FAT1: variants seen among roughly 807,000 people sequenced by gnomAD.
FAT1 encodes the protein protocadherin Fat 1.
Under a neutral mutation model 329.8 loss-of-function variants are expected in FAT1, and 171 were observed. That is an observed-to-expected ratio of 0.52 (90% CI 0.46 to 0.59). FAT1 has a LOEUF of 0.59. FAT1 is among the 20% of genes least tolerant of loss of function. The probability of loss-of-function intolerance (pLI) is 0.00; values close to 1 mark genes in which losing one functional copy is unlikely to be tolerated. For missense variants in FAT1, 5,672 were observed against 5,774.4 expected (o/e 0.98, Z 0.57); for synonymous variants, 2,233 against 2,228.6 (o/e 1.00, Z -0.06).
rs2126689557 is a variant in FAT1, at chr4:186,707,558, G to T, written c.2270C>A (p.Ser757Tyr). 1 of 1,613,962 alleles carries T rather than the reference G, an allele frequency of 6.2e-7. No homozygotes were observed. The highest frequency in any genetic ancestry group is 8.5e-7 in the Non-Finnish European group (1 of 1,179,882). The change falls in exon 2 of 27, where the codon TCT (serine) becomes TAT (tyrosine). Residue 757 changes from serine (S) to tyrosine (Y), a missense_variant. Ser to Tyr is a moderately radical substitution (Grantham distance 144, BLOSUM62 -2). Transcript: ENST00000441802. Reference sequence around the variant, plus strand: ...GAAGCAACTATCCTCATTTCCTCCAGAAACAGCATAGACCAGTTTTCCATT... The same window carrying T: ...GAAGCAACTATCCTCATTTCCTCCATAAACAGCATAGACCAGTTTTCCATT... ...GFNGKLVYAVSGGNEDSCFMI... is the reference protein window; with the variant it reads ...GFNGKLVYAVYGGNEDSCFMI...
chr4:186,665,188 G>T (rs913410580), intron 2 of FAT1, among the ~76,000 whole-genome samples: 3 of 152,138 alleles, frequency 2.0e-5, no homozygotes, highest in African/African-American at 7.2e-5. Context: ...CAGAAAGGGG[G>T]TATAATACTG....
chr4:186,664,526 G>C (rs1287264997), intron 2 of FAT1, among the ~76,000 whole-genome samples: 1 of 152,146 alleles, frequency 6.6e-6, no homozygotes, highest in Non-Finnish European at 1.5e-5. Flanking sequence ...AAGTCAACTA[G>C]CAAGAGATGA....
At chr4:186,716,468 C>A (rs890724797) in intron 1 of FAT1, among the ~76,000 whole-genome samples, 5 of 151,994 alleles carry the variant, frequency 3.3e-5, no homozygotes, top group African/African-American at 9.7e-5. Flanking sequence ...TGCTCTATCT[C>A]CCAGGCTGGA....
rs371191241 is a variant in FAT1 at position 186,658,844 on chromosome 4, C to T, written c.3580+4455G>A. Among the ~76,000 whole-genome samples the T allele has an allele frequency of 5.9e-5, 9 of 152,246 alleles. No individual in the cohort carries two copies. The South Asian group carries it at 1.0e-3, about 18-fold the overall frequency. Reference sequence around the variant, plus strand: ...ACCGGACCCGTGAGGGCCCCTGCCACGCCTCCACCGGACCCGTGAGAGCCT... The same window carrying T: ...ACCGGACCCGTGAGGGCCCCTGCCATGCCTCCACCGGACCCGTGAGAGCCT... On this transcript the variant is annotated intron_variant, in intron 3 of 26. Coordinates refer to ENST00000441802, the MANE Select transcript of FAT1 (RefSeq NM_005245.4).
At position 186,621,720 on chromosome 4, in the gene FAT1, G is replaced by A. The variant is rs2126527977; in HGVS notation, c.4866C>T (p.Ala1622=). 6.2e-6 allele frequency: 10 copies of A among 1,612,306 alleles called. No homozygotes were observed. The highest frequency in any genetic ancestry group is 8.5e-6 in the Non-Finnish European group (10 of 1,179,306). ...IDPVLGSIKT[A]KELDRSNQAE... ...CTTGGTTACTTCGATCTAATTCTTT[G>A]GCAGTTTTAATAGAGCCCAAGACAG... The change falls in exon 10 of 27, where the codon GCC becomes GCT. Residue 1622 remains alanine, a synonymous_variant. Coordinates refer to ENST00000441802, the MANE Select transcript of FAT1 (RefSeq NM_005245.4).
chr4:186,656,342 T>C (rs1315176812), intron 3 of FAT1, among the ~76,000 whole-genome samples: 1 of 152,042 alleles, frequency 6.6e-6, no homozygotes, highest in African/African-American at 2.4e-5. Context: ...CCCCACTCAA[T>C]GAGGGCCCAG....
intron 2 of FAT1, among the ~76,000 whole-genome samples, chr4:186,666,206 A>G (rs1742434281): frequency 6.6e-6 from 1 of 152,142 alleles, no homozygotes; most frequent in South Asian, 2.1e-4. Context: ...AAATGAAATA[A>G]AATAAAATAA....
At position 186,603,770 on chromosome 4, in the gene FAT1, T is replaced by C. The variant is rs2126433036; in HGVS notation, c.10756A>G (p.Met3586Val). 1 of 1,613,964 alleles carries C rather than the reference T, an allele frequency of 6.2e-7. No homozygotes were observed. The highest frequency in any genetic ancestry group is 8.5e-7 in the Non-Finnish European group (1 of 1,179,884). ...CTGGAAACAGAGAACAGGTTGTCCA[T>C]CTGAGGGTCGAGACTGTAGGTTAGA... ...DTLTYSLDPQ[M>V]DNLFSVSSTG... Residue 3586 changes from methionine (M) to valine (V), a missense_variant, in exon 19 of 27, where the codon ATG becomes GTG. This residue lies in a region of FAT1 where 1,706 missense variants were observed against 1,859.1 expected (regional missense o/e 0.92). Transcript: ENST00000441802.
At chr4:186,611,276 T>C in intron 14 of FAT1, 110 bp downstream of exon 14, 2 of 968,258 alleles carry the variant, frequency 2.1e-6, no homozygotes, top group South Asian at 1.9e-5. Context: ...TTGCCTTTTT[T>C]AGAACATCTA....
At position 186,708,628 on chromosome 4, in the gene FAT1, A is replaced by G; in HGVS notation, c.1200T>C (p.Tyr400=). The change falls in exon 2 of 27, where the codon TAT becomes TAC. Residue 400 remains tyrosine, a synonymous_variant. Transcript: ENST00000441802. ...KAIPAYSHLR[Y]VFKSTPGKAK... is the part of the protein sequence containing the mutation. ...CTTTTCCAGGTGTACTTTTAAAAAC[A>G]TACCTCAAATGGGAATAAGCAGGAA... is the stretch of plus-strand genomic sequence containing the variant. The G allele has an allele frequency of 1.2e-6, 2 of 1,613,974 alleles. No individual in the cohort carries two copies. Among genetic ancestry groups the G allele is most frequent in the African/African-American group, 2.7e-5 (2 of 75,038 alleles).
chr4:186,700,202 T>C (rs916554866), intron 2 of FAT1, among the ~76,000 whole-genome samples: 2 of 152,226 alleles, frequency 1.3e-5, no homozygotes, highest in African/African-American at 4.8e-5. Flanking sequence ...GCCTGAAAGC[T>C]GGGACCTAAC....
chr4:186,606,240 G>A lies in FAT1; in HGVS notation c.10207-27C>T, dbSNP rs377058608. The A allele has an allele frequency of 1.3e-4, 204 of 1,611,670 alleles. 1 individual carries two copies. Among genetic ancestry groups the A allele is most frequent in the African/African-American group, 2.5e-4 (19 of 74,818 alleles). ...TTTTCAGGCAAAAGACAGAATGCAC[G>A]TTCATTTTCACAAGGCCGACAGAGC... On this transcript the variant is annotated intron_variant, in intron 16 of 26. Coordinates refer to ENST00000441802, the MANE Select transcript of FAT1 (RefSeq NM_005245.4).
chr4:186,668,586 G>A (rs1468104598), intron 2 of FAT1, among the ~76,000 whole-genome samples: 1 of 152,166 alleles, frequency 6.6e-6, no homozygotes, highest in Non-Finnish European at 1.5e-5. Flanking sequence ...GGTTTCTGCA[G>A]GGAGTGACAC....
At chr4:186,666,953 T>C (rs1742470878) in intron 2 of FAT1, among the ~76,000 whole-genome samples, 1 of 152,224 alleles carries the variant, frequency 6.6e-6, no homozygotes, top group South Asian at 2.1e-4. Context: ...ACGGCTGTTA[T>C]GACAAAAGAG....
chr4:186,659,375 T>C (rs956245666), intron 3 of FAT1, among the ~76,000 whole-genome samples: 5 of 152,364 alleles, frequency 3.3e-5, no homozygotes, highest in Admixed American at 2.6e-4. Context: ...AGGTATTCTC[T>C]AGCTGCTGGA....
At chr4:186,699,082 A>T (rs1744174556) in intron 2 of FAT1, among the ~76,000 whole-genome samples, 1 of 152,224 alleles carries the variant, frequency 6.6e-6, no homozygotes, top group African/African-American at 2.4e-5. Flanking sequence ...CAATCTAGTG[A>T]GACAGTCTAT....
chr4:186,682,991 TG>T, intron 2 of FAT1, among the ~76,000 whole-genome samples: 1 of 152,342 alleles, frequency 6.6e-6, no homozygotes, highest in South Asian at 2.1e-4. Flanking sequence ...CTGGACTGAC[TG>T]CCCTGGTATT....
At position 186,613,305 on chromosome 4, in the gene FAT1, C is replaced by T. The variant is rs2126476131; in HGVS notation, c.9267G>A (p.Glu3089=). ...LKTSTPLDRE[E]QAVYHLLVRA... is the part of the protein sequence containing the mutation. ...TGACGAGAAGATGATAAACAGCTTGCTCCTCACGATCAAGGGGGGTTGACG... is the reference window on the plus strand; with the variant it reads ...TGACGAGAAGATGATAAACAGCTTGTTCCTCACGATCAAGGGGGGTTGACG... The change falls in exon 13 of 27, where the codon GAG becomes GAA. Residue 3089 remains glutamate, a synonymous_variant. Coordinates refer to ENST00000441802, the MANE Select transcript of FAT1 (RefSeq NM_005245.4). The T allele has an allele frequency of 6.2e-7, 1 of 1,613,988 alleles. No homozygotes were observed. Among genetic ancestry groups the T allele is most frequent in the South Asian group, 1.1e-5 (1 of 91,082 alleles).
In FAT1 at chr4:186,661,465, G is replaced by A. The variant is rs149189938; in HGVS notation, c.3580+1834C>T. ...CCTAGGCAATGAAGTCTCCATAAAA[G>A]GCCCAAGAAAGCAGAGTTCAGAGTT... On this transcript the variant is annotated intron_variant, in intron 3 of 26. Transcript: ENST00000441802. Among the ~76,000 whole-genome samples the A allele has an allele frequency of 6.2e-3, 949 of 152,258 alleles. 11 individuals are homozygous for A. Among genetic ancestry groups the A allele is most frequent in the African/African-American group, 0.022 (921 of 41,568 alleles).
Sources: allele counts gnomAD v4.1 joint callset (sites outside exome capture counted in the v4.1 genomes callset), GRCh38; gene constraint gnomAD v4.1.1; regional missense constraint gnomAD v4.1.1; transcripts MANE v1.5; gene names NCBI Gene and HGNC (gene_info 2026-07-23, HGNC 2026-07-21).